ZRANB3: variants seen among roughly 807,000 people sequenced by gnomAD.
ZRANB3 encodes the protein zinc finger RANBP2-type containing 3.
In ZRANB3, 125 loss-of-function variants were observed where a neutral mutation model predicts 133.8. The observed-to-expected ratio is 0.93, with a 90% CI of 0.81 to 1.08. The LOEUF is 1.08. Ranked by LOEUF, ZRANB3 falls within the 50% of genes least tolerant of loss-of-function variation. The pLI, the probability that ZRANB3 is intolerant of heterozygous loss-of-function variation, is 0.00. For synonymous variants in ZRANB3, 387 were observed against 432.7 expected, an observed-to-expected ratio of 0.89 and a Z score of 1.31; for missense variants, 1,229 against 1,275.5, an observed-to-expected ratio of 0.96 and a Z score of 0.56.
intron 17 of ZRANB3, among the ~76,000 whole-genome samples, chr2:135,217,171 T>TC (rs1558835728): frequency 6.6e-6 from 1 of 152,138 alleles, no homozygotes; most frequent in Non-Finnish European, 1.5e-5. Flanking sequence ...CTAATAAGTG[T>TC]CCCAGGCTTG....
At chr2:135,255,832 G>C (rs992253349) in intron 12 of ZRANB3, among the ~76,000 whole-genome samples, 3 of 151,812 alleles carry the variant, frequency 2.0e-5, no homozygotes, top group Non-Finnish European at 2.9e-5. Context: ...AATAGAGTGA[G>C]AGTCTGTCTC....
At chr2:135,500,671 G>A (rs1008962721) in intron 2 of ZRANB3, among the ~76,000 whole-genome samples, 4 of 148,990 alleles carry the variant, frequency 2.7e-5, no homozygotes, top group African/African-American at 5.0e-5. Context: ...TCTATTTCTC[G>A]ATCTTGGTGA....
intron 6 of ZRANB3, among the ~76,000 whole-genome samples, chr2:135,320,161 G>A (rs1329477420): frequency 6.6e-6 from 1 of 152,104 alleles, no homozygotes; most frequent in East Asian, 1.9e-4. Context: ...CTGCTTCAGC[G>A]ACCTGAGTAG....
At position 135,217,556 on chromosome 2, in the gene ZRANB3, T is replaced by C; in HGVS notation, c.2404A>G (p.Ile802Val). Reference sequence around the variant, plus strand: ...AATAGCTGTCCACTTTTCCTGATTATCCTTTGCTTCATGGCAGTTAGACTA... The same window carrying C: ...AATAGCTGTCCACTTTTCCTGATTACCCTTTGCTTCATGGCAGTTAGACTA... ...WSSLTAMKQRIIRKSGQLFCS... is the reference protein window; with the variant it reads ...WSSLTAMKQRVIRKSGQLFCS... Residue 802 changes from isoleucine to valine, a missense_variant, in exon 17 of 21, where the codon ATA (isoleucine) becomes GTA (valine). Physicochemically the swap from Ile to Val is conservative, Grantham distance 29. Transcript: ENST00000264159. 6.2e-7 allele frequency: 1 copy of C among 1,613,826 alleles called. No individual in the cohort carries two copies. The highest frequency in any genetic ancestry group is 8.5e-7 in the Non-Finnish European group (1 of 1,179,826).
At chr2:135,472,252 G>A (rs939000848) in intron 2 of ZRANB3, among the ~76,000 whole-genome samples, 17 of 152,248 alleles carry the variant, frequency 1.1e-4, no homozygotes, top group African/African-American at 3.4e-4. Context: ...TATAATCCCA[G>A]CACTTTGGGA....
chr2:135,203,858 C>A (rs1223683985), intron 19 of ZRANB3, among the ~76,000 whole-genome samples: 1 of 152,054 alleles, frequency 6.6e-6, no homozygotes, highest in Admixed American at 6.6e-5. Context: ...TTTAAAGTAG[C>A]CTTTATTTAG....
At chr2:135,420,393 T>C (rs992601035) in intron 2 of ZRANB3, among the ~76,000 whole-genome samples, 2 of 152,098 alleles carry the variant, frequency 1.3e-5, no homozygotes, top group Non-Finnish European at 2.9e-5. Flanking sequence ...CTGAAAAATA[T>C]GTTGTGACTT....
intron 8 of ZRANB3, among the ~76,000 whole-genome samples, chr2:135,310,470 A>T (rs952310154): frequency 3.9e-5 from 6 of 152,180 alleles, no homozygotes; most frequent in African/African-American, 1.4e-4. Flanking sequence ...AAAATAAAAA[A>T]ATCAGAACTG....
chr2:135,449,703 A>T (rs1167630623), intron 2 of ZRANB3, among the ~76,000 whole-genome samples: 1 of 152,230 alleles, frequency 6.6e-6, no homozygotes, highest in Non-Finnish European at 1.5e-5. Flanking sequence ...GTGCTTTACA[A>T]ATACCATTTT....
intron 12 of ZRANB3, among the ~76,000 whole-genome samples, chr2:135,242,219 G>A (rs1695584453): frequency 6.6e-6 from 1 of 151,816 alleles, no homozygotes; most frequent in Non-Finnish European, 1.5e-5. Flanking sequence ...AGGTATCAGA[G>A]AACAATCATG....
intron 3 of ZRANB3, among the ~76,000 whole-genome samples, chr2:135,367,336 A>G (rs1340448439): frequency 6.6e-6 from 1 of 152,176 alleles, no homozygotes; most frequent in African/African-American, 2.4e-5. Flanking sequence ...CCCCGTGTAG[A>G]CAGTGGACTG....
chr2:135,409,306 T>C (rs1688197853), intron 2 of ZRANB3, among the ~76,000 whole-genome samples: 1 of 152,058 alleles, frequency 6.6e-6, no homozygotes, highest in Non-Finnish European at 1.5e-5. Flanking sequence ...ACTCCAACAT[T>C]GGGGATTACA....
At chr2:135,399,703 AGTT>A (rs1278069791) in intron 2 of ZRANB3, among the ~76,000 whole-genome samples, 2 of 152,088 alleles carry the variant, frequency 1.3e-5, no homozygotes, top group South Asian at 2.1e-4. Flanking sequence ...CTTATAACTG[AGTT>A]GTTGTTTGAG....
intron 8 of ZRANB3, among the ~76,000 whole-genome samples, chr2:135,283,830 T>C (rs1276523410): frequency 1.3e-5 from 2 of 151,466 alleles, no homozygotes; most frequent in East Asian, 3.9e-4. Context: ...AAATCACTAA[T>C]AGGAAGCCAG....
At chr2:135,290,675 A>T (rs1233322803) in intron 8 of ZRANB3, among the ~76,000 whole-genome samples, 3 of 77,258 alleles carry the variant, frequency 3.9e-5, no homozygotes, top group South Asian at 5.3e-4. Flanking sequence ...CCCCCCCTCC[A>T]CCCCCACCCC....
chr2:135,390,655 C>T (rs1363183200), intron 3 of ZRANB3, 147 bp downstream of exon 3: 1 of 1,157,840 alleles, frequency 8.6e-7, no homozygotes, highest in Non-Finnish European at 1.2e-6. Context: ...CTCTCCCCCT[C>T]CCTCCTCACC....
chr2:135,403,696 AC>A (rs1687856453), intron 2 of ZRANB3, among the ~76,000 whole-genome samples: 1 of 151,942 alleles, frequency 6.6e-6, no homozygotes, highest in Non-Finnish European at 1.5e-5. Flanking sequence ...ACTGGGAGGC[AC>A]CCCCGAGTAG....
chr2:135,396,596 G>T (rs1237129478), intron 2 of ZRANB3, among the ~76,000 whole-genome samples: 1 of 152,158 alleles, frequency 6.6e-6, no homozygotes, highest in Non-Finnish European at 1.5e-5. Flanking sequence ...TCACTTATGT[G>T]TGGGAATCCA....
At chr2:135,504,187 A>G (rs1165876008) in intron 2 of ZRANB3, 142 bp downstream of exon 2, 2 of 930,888 alleles carry the variant, frequency 2.1e-6, no homozygotes, top group East Asian at 2.6e-5. Flanking sequence ...CAACCATAGT[A>G]AATGGATAAA....
Sources: gnomAD v4.1 joint callset for allele counts (sites outside exome capture counted in the v4.1 genomes callset) on GRCh38, gnomAD v4.1.1 for gene constraint, MANE v1.5 for transcripts, NCBI Gene and HGNC (gene_info 2026-07-23, HGNC 2026-07-21) for gene names.